ADAMTSL1: variants seen among roughly 807,000 people sequenced by gnomAD.
ADAMTSL1 encodes ADAMTS like 1.
Under a neutral mutation model 201.8 loss-of-function variants are expected in ADAMTSL1, and 126 were observed. The ratio of observed to expected loss-of-function variants is 0.62; its 90% CI spans 0.54 to 0.72. ADAMTSL1 has a LOEUF of 0.72. Among genes scored for constraint, ADAMTSL1 ranks in the 30% least tolerant of loss-of-function variants. The probability of loss-of-function intolerance (pLI) is 0.00; values close to 1 mark genes in which losing one functional copy is unlikely to be tolerated. For synonymous variants in ADAMTSL1, 1,121 were observed against 903.4 expected (o/e 1.24, Z -4.32); for missense variants, 2,679 against 2,277.8 (o/e 1.18, Z -3.59).
intron 1 of ADAMTSL1, among the ~76,000 whole-genome samples, chr9:18,004,794 A>G (rs1256655935): frequency 6.6e-6 from 1 of 152,036 alleles, no homozygotes; most frequent in Non-Finnish European, 1.5e-5. Context: ...TAGAAGAAGG[A>G]GCATTAAGAC....
At chr9:18,614,715 A>C (rs538276474) in intron 4 of ADAMTSL1, among the ~76,000 whole-genome samples, 1 of 152,028 alleles carries the variant, frequency 6.6e-6, no homozygotes, top group East Asian at 1.9e-4. Context: ...CCTACCACCT[A>C]TATGTATTCG....
chr9:18,884,123 A>T (rs1288262983), intron 23 of ADAMTSL1, among the ~76,000 whole-genome samples: 1 of 152,146 alleles, frequency 6.6e-6, no homozygotes, highest in Admixed American at 6.5e-5. Flanking sequence ...GTGGGTATGC[A>T]GTGGTAACTC....
At chr9:18,508,917 G>C (rs1436416702) in intron 2 of ADAMTSL1, among the ~76,000 whole-genome samples, 1 of 95,362 alleles carries the variant, frequency 1.0e-5, no homozygotes, top group East Asian at 2.0e-4. Flanking sequence ...GGGCGCGGTG[G>C]CTCACGCCTG....
At position 17,969,122 on chromosome 9, in the gene ADAMTSL1, C is replaced by G. The variant is rs189832663; in HGVS notation, c.87+62200C>G. ...TTTGCTATATGTGTATACATTGAGCCTAATTTTTATAGTAAGCACAGACAC... is the reference window on the plus strand; with the variant it reads ...TTTGCTATATGTGTATACATTGAGCGTAATTTTTATAGTAAGCACAGACAC... On this transcript the variant is annotated intron_variant, in intron 1 of 29. Coordinates refer to the ADAMTSL1 transcript ENST00000680146. Among the ~76,000 whole-genome samples, 4 of 152,026 alleles carry G rather than the reference C, an allele frequency of 2.6e-5. No individual in the cohort carries two copies. In the East Asian group the frequency reaches 7.7e-4, roughly 29 times the overall value.
intron 1 of ADAMTSL1, among the ~76,000 whole-genome samples, chr9:17,934,876 C>G (rs1402811089): frequency 7.0e-6 from 1 of 143,176 alleles, no homozygotes; most frequent in Admixed American, 7.3e-5. Context: ...AGTAATTCTT[C>G]CCCTCTTTCT....
intron 3 of ADAMTSL1, among the ~76,000 whole-genome samples, chr9:18,540,396 A>G (rs968038204): frequency 1.3e-5 from 2 of 152,184 alleles, no homozygotes; most frequent in Non-Finnish European, 2.9e-5. Context: ...AATGGGATGG[A>G]GAGTGACACA....
chr9:17,960,987 G>C (rs1817727598), intron 1 of ADAMTSL1, among the ~76,000 whole-genome samples: 1 of 152,230 alleles, frequency 6.6e-6, no homozygotes, highest in African/African-American at 2.4e-5. Context: ...AAATATACCA[G>C]TTCAGTCAGG....
chr9:18,351,753 T>G (rs2133030810), intron 2 of ADAMTSL1, among the ~76,000 whole-genome samples: 1 of 152,306 alleles, frequency 6.6e-6, no homozygotes, highest in Middle Eastern at 3.4e-3. Flanking sequence ...TTTTCTCTAT[T>G]TATTGCCCTT....
intron 23 of ADAMTSL1, among the ~76,000 whole-genome samples, chr9:18,880,961 T>C (rs2131507779): frequency 6.6e-6 from 1 of 152,340 alleles, no homozygotes; most frequent in East Asian, 1.9e-4. Flanking sequence ...TAAGAGAGAC[T>C]GTTTCTTTCC....
At chr9:18,185,936 T>C (rs1459977670) in intron 2 of ADAMTSL1, among the ~76,000 whole-genome samples, 1 of 152,188 alleles carries the variant, frequency 6.6e-6, no homozygotes, top group African/African-American at 2.4e-5. Flanking sequence ...GAATTTAAAA[T>C]TTACTCTAGG....
At chr9:18,514,327 C>CTTCTTTTTT in intron 2 of ADAMTSL1, among the ~76,000 whole-genome samples, 1 of 100,104 alleles carries the variant, frequency 1.0e-5, no homozygotes. Context: ...ATTTTTCTTT[C>CTTCTTTTTT]TTTTTTTTTT....
chr9:18,555,148 C>T (rs1821030003), intron 3 of ADAMTSL1, among the ~76,000 whole-genome samples: 1 of 151,732 alleles, frequency 6.6e-6, no homozygotes, highest in Non-Finnish European at 1.5e-5. Context: ...AGGGTTTTGC[C>T]TTACAGTCCT....
chr9:18,097,355 T>G (rs1172290312), intron 1 of ADAMTSL1, among the ~76,000 whole-genome samples: 1 of 152,258 alleles, frequency 6.6e-6, no homozygotes, highest in Non-Finnish European at 1.5e-5. Flanking sequence ...TCTGAGATTT[T>G]AGCAGTAACA....
chr9:18,582,301 A>G (rs527297039), intron 4 of ADAMTSL1, among the ~76,000 whole-genome samples: 10 of 152,288 alleles, frequency 6.6e-5, no homozygotes, highest in East Asian at 1.9e-4. Context: ...ACATTTTACT[A>G]TAAGTACCAA....
intron 1 of ADAMTSL1, among the ~76,000 whole-genome samples, chr9:18,000,321 TTC>T (rs985507077): frequency 1.4e-4 from 21 of 152,012 alleles, no homozygotes; most frequent in African/African-American, 4.8e-4. Flanking sequence ...GACACTTTTT[TTC>T]TGTCTCCTAA....
At chr9:18,709,922 T>C (rs1372169710) in intron 14 of ADAMTSL1, among the ~76,000 whole-genome samples, 3 of 152,228 alleles carry the variant, frequency 2.0e-5, no homozygotes, top group Non-Finnish European at 2.9e-5. Context: ...TTTTTGCTTC[T>C]GTCAAGAAAG....
At chr9:18,290,388 G>A (rs1447986628) in intron 2 of ADAMTSL1, among the ~76,000 whole-genome samples, 1 of 151,964 alleles carries the variant, frequency 6.6e-6, no homozygotes, top group African/African-American at 2.4e-5. Context: ...ACTATTTGGT[G>A]TGCTGAGCCA....
chr9:18,616,189 C>A (rs1278553387), intron 4 of ADAMTSL1, among the ~76,000 whole-genome samples: 1 of 152,138 alleles, frequency 6.6e-6, no homozygotes, highest in Non-Finnish European at 1.5e-5. Flanking sequence ...CCACACTGGG[C>A]TAATTTTATA....
intron 2 of ADAMTSL1, among the ~76,000 whole-genome samples, chr9:18,193,745 C>T (rs1428683073): frequency 2.6e-5 from 4 of 152,132 alleles, no homozygotes; most frequent in African/African-American, 9.7e-5. Flanking sequence ...CACTGGGTCC[C>T]TGTATGGACT....
Sources: gnomAD v4.1 joint callset for allele counts (sites outside exome capture counted in the v4.1 genomes callset) on GRCh38, gnomAD v4.1.1 for gene constraint, MANE v1.5 for transcripts, NCBI Gene and HGNC (gene_info 2026-07-23, HGNC 2026-07-21) for gene names.